The following NUP54 variants were observed in gnomAD, a reference collection of about 807,000 sequenced individuals.
NUP54 encodes nucleoporin 54.
NUP54 carries 27 observed loss-of-function variants against 66.4 expected under a neutral mutation model. The observed-to-expected ratio is 0.41, with a 90% confidence interval of 0.30 to 0.56. The LOEUF is 0.56. NUP54 is among the 20% of genes least tolerant of loss of function. NUP54 has a pLI of 0.34. For synonymous variants in NUP54, 206 were observed against 210.7 expected (o/e 0.98, Z 0.19); for missense variants, 486 against 596.3 (o/e 0.82, Z 1.93).
intron 9 of NUP54, among the ~76,000 whole-genome samples, chr4:76,123,657 C>T (rs540028847): frequency 1.2e-4 from 19 of 152,202 alleles, no homozygotes; most frequent in South Asian, 8.3e-4. Flanking sequence ...GAACTACAGG[C>T]ACAAGCAACC....
At chr4:76,132,815 G>A in intron 5 of NUP54, 96 bp from the exon 6 acceptor site, 1 of 855,284 alleles carries the variant, frequency 1.2e-6, no homozygotes, top group South Asian at 1.9e-5. Flanking sequence ...AAGGGTTTAA[G>A]TTGAATTCAG....
intron 9 of NUP54, among the ~76,000 whole-genome samples, chr4:76,121,611 C>A (rs943615487): frequency 1.3e-5 from 2 of 152,086 alleles, no homozygotes; most frequent in African/African-American, 4.8e-5. Context: ...ACTATAGGTG[C>A]CATGTCATCA....
chr4:76,128,782 C>T (rs948737936), intron 8 of NUP54, among the ~76,000 whole-genome samples: 3 of 152,104 alleles, frequency 2.0e-5, no homozygotes, highest in Admixed American at 2.0e-4. Flanking sequence ...CCATTTGCAG[C>T]AACATAGATG....
chr4:76,120,265 C>T (rs1730172341), intron 9 of NUP54, among the ~76,000 whole-genome samples: 1 of 152,050 alleles, frequency 6.6e-6, no homozygotes, highest in South Asian at 2.1e-4. Flanking sequence ...AAAGTATGTA[C>T]GTTTTCAGTT....
intron 8 of NUP54, among the ~76,000 whole-genome samples, chr4:76,127,830 T>G (rs1730609642): frequency 6.6e-6 from 1 of 152,134 alleles, no homozygotes; most frequent in African/African-American, 2.4e-5. Context: ...GTGGAAACAC[T>G]GGCCAAAGAT....
At chr4:76,135,306 A>C (rs562389288) in intron 4 of NUP54, among the ~76,000 whole-genome samples, 1 of 152,184 alleles carries the variant, frequency 6.6e-6, no homozygotes, top group African/African-American at 2.4e-5. Flanking sequence ...TTCACCACTC[A>C]CCTGCAACTT....
rs777646809 is a variant in NUP54, at chr4:76,148,289, G to T, written c.67+19C>A. The T allele has an allele frequency of 3.7e-5, 55 of 1,469,636 alleles. No homozygotes were observed. Among genetic ancestry groups the T allele is most frequent in the Middle Eastern group, 1.8e-4 (1 of 5,586 alleles). 91.0% of individuals were successfully genotyped at this position (1,469,636 alleles called of 1,614,324 possible). A position where few individuals can be genotyped will look rare whatever the true frequency, so the allele number is the denominator to read the frequency against. On this transcript the variant is annotated intron_variant, in intron 1 of 11. Transcript: ENST00000264883. ...CCCTTCCCCTTCTTCCCGGGTGAAGGTCTAGGGGGATCACTCACCCGCGGG... is the reference window on the plus strand; with the variant it reads ...CCCTTCCCCTTCTTCCCGGGTGAAGTTCTAGGGGGATCACTCACCCGCGGG...
intron 3 of NUP54, among the ~76,000 whole-genome samples, chr4:76,139,662 A>G (rs1731181932): frequency 6.6e-6 from 1 of 152,204 alleles, no homozygotes; most frequent in South Asian, 2.1e-4. Flanking sequence ...TAGATGGGGT[A>G]TTAGATAGTA....
chr4:76,143,803 C>T (rs188441191), intron 3 of NUP54, among the ~76,000 whole-genome samples: 81 of 152,234 alleles, frequency 5.3e-4, no homozygotes, highest in Non-Finnish European at 1.0e-3. Flanking sequence ...ACTGGCTGGC[C>T]AGGAACCATC....
chr4:76,117,417 C>T (rs28627281), intron 11 of NUP54, among the ~76,000 whole-genome samples: 53,093 of 151,946 alleles, frequency 0.35, 10,397 homozygotes, highest in East Asian at 0.55. Context: ...CTGCTTCCAA[C>T]GTACTTGGGT....
intron 1 of NUP54, chr4:76,147,734 G>T: frequency 3.9e-6 from 4 of 1,016,404 alleles, no homozygotes; most frequent in Non-Finnish European, 5.2e-6. Flanking sequence ...ATCAGCAGGA[G>T]GTTTCACAGA....
At chr4:76,131,995 C>T (rs1298779153) in intron 6 of NUP54, among the ~76,000 whole-genome samples, 1 of 152,026 alleles carries the variant, frequency 6.6e-6, no homozygotes, top group African/African-American at 2.4e-5. Context: ...AAAAGGCAAG[C>T]TGAAGGTGTA....
intron 9 of NUP54, among the ~76,000 whole-genome samples, chr4:76,122,532 T>A (rs1730278930): frequency 6.6e-6 from 1 of 152,246 alleles, no homozygotes; most frequent in Admixed American, 6.5e-5. Flanking sequence ...TAAGTCTGGC[T>A]TTTTTCACTT....
intron 5 of NUP54, among the ~76,000 whole-genome samples, chr4:76,133,553 C>T (rs4263427): frequency 0.16 from 24,691 of 152,012 alleles, 2,258 homozygotes; most frequent in East Asian, 0.36. Flanking sequence ...ATGATCCGCC[C>T]GTCTCGGCCT....
At chr4:76,129,975 T>G (rs1156662817) in intron 8 of NUP54, among the ~76,000 whole-genome samples, 38 of 33,092 alleles carry the variant, frequency 1.1e-3, no homozygotes, top group African/African-American at 6.1e-3. Flanking sequence ...AGTTTTTTTT[T>G]TTTTTTTTTT....
chr4:76,133,562 C>T (rs1351777347), intron 5 of NUP54, among the ~76,000 whole-genome samples: 1 of 152,150 alleles, frequency 6.6e-6, no homozygotes, highest in East Asian at 1.9e-4. Context: ...CCGTCTCGGC[C>T]TCCCAAAGTG....
Position 76,124,723 on chromosome 4 carries a change from T to C in NUP54, c.1090A>G (p.Asn364Asp), listed in dbSNP as rs201450822. The C allele has an allele frequency of 5.3e-6, 8 of 1,506,130 alleles. No individual in the cohort carries two copies. The highest frequency in any genetic ancestry group is 1.8e-4 in the Middle Eastern group (1 of 5,472). The allele number at this position is 1,506,130 out of a possible 1,614,324, so 93.3% of individuals were successfully genotyped here. ...ATTTTGGCTACAGATGTAGTTTGAT[T>C]CTTTTGTAGCTCACTAATATCTTCA... ...ISEDISELQK[N>D]QTTSVAKIAQ... The change falls in exon 9 of 12, where the codon AAT becomes GAT. Residue 364 changes from asparagine (N) to aspartate (D), a missense_variant. By Grantham distance (23) the Asn-to-Asp change is conservative. Transcript: ENST00000264883.
chr4:76,131,621 C>T (rs892432171), intron 6 of NUP54, among the ~76,000 whole-genome samples: 4 of 151,876 alleles, frequency 2.6e-5, no homozygotes, highest in African/African-American at 9.7e-5. Context: ...AGCTAATAAA[C>T]ATATTAAAAA....
At chr4:76,135,337 ACT>A (rs1730993614) in intron 4 of NUP54, among the ~76,000 whole-genome samples, 1 of 152,198 alleles carries the variant, frequency 6.6e-6, no homozygotes. Context: ...ATTTAAATTA[ACT>A]CAAGTGTACA....
Sources: gnomAD v4.1 joint callset for allele counts (sites outside exome capture counted in the v4.1 genomes callset) on GRCh38, gnomAD v4.1.1 for gene constraint, MANE v1.5 for transcripts, NCBI Gene and HGNC (gene_info 2026-07-23, HGNC 2026-07-21) for gene names.